Variants in PLEKHG3 observed in about 807,000 individuals in gnomAD.
The protein encoded by PLEKHG3 is pleckstrin homology and RhoGEF domain containing G3, also known as pleckstrin homology domain-containing family G member 3.
In PLEKHG3, 62 loss-of-function variants were observed where a neutral mutation model predicts 94.9. That is an observed-to-expected ratio of 0.65 (90% CI 0.53 to 0.81). The LOEUF (loss-of-function observed/expected upper bound fraction) is 0.81. Ranked by LOEUF, PLEKHG3 falls within the 30% of genes least tolerant of loss-of-function variation. The pLI, the probability that PLEKHG3 is intolerant of heterozygous loss-of-function variation, is 0.00. For missense variants in PLEKHG3, 1,461 were observed against 1,619.3 expected, an observed-to-expected ratio of 0.90 and a Z score of 1.68; for synonymous variants, 614 against 654.0, an observed-to-expected ratio of 0.94 and a Z score of 0.93.
chr14:64,741,266 G>A lies in PLEKHG3; in HGVS notation c.1749G>A (p.Met583Ile). The change falls in exon 16 of 17, where the codon ATG (methionine) becomes ATA (isoleucine). Residue 583 changes from methionine (M) to isoleucine (I), a missense_variant. By Grantham distance (10) the Met-to-Ile change is conservative. Transcript: ENST00000247226. ...KALSSEEEEE[M>I]GGAAQEPESL... ...TGAGCAGCGAGGAGGAAGAAGAAATGGGAGGTGCCGCCCAGGAGCCTGAGA... is the reference window on the plus strand; with the variant it reads ...TGAGCAGCGAGGAGGAAGAAGAAATAGGAGGTGCCGCCCAGGAGCCTGAGA... The A allele has an allele frequency of 1.9e-6, 3 of 1,613,922 alleles. No homozygotes were observed. The highest frequency in any genetic ancestry group is 2.5e-6 in the Non-Finnish European group (3 of 1,180,026).
At chr14:64,710,406 A>G (rs971230948) in intron 1 of PLEKHG3, among the ~76,000 whole-genome samples, 1 of 152,240 alleles carries the variant, frequency 6.6e-6, no homozygotes, top group Non-Finnish European at 1.5e-5. Flanking sequence ...GCAGTGGCTC[A>G]TGCCTGTAAT....
chr14:64,717,450 G>A lies in PLEKHG3; in HGVS notation c.-39-10143G>A, dbSNP rs1454130508. On this transcript the variant is annotated intron_variant, in intron 1 of 16. Transcript: ENST00000247226. The surrounding 1 kb of genome is among the most constrained non-coding windows in gnomAD (Gnocchi z 4.7). ...GCTTGGGAAGGGAAAGTGAGAACTG[G>A]GGGAAGGAAAAAACCCTTGGGTAGT... 6.6e-6 allele frequency among the ~76,000 whole-genome samples: 1 copy of A among 152,052 alleles called. No homozygotes were observed. Among genetic ancestry groups the A allele is most frequent in the Non-Finnish European group, 1.5e-5 (1 of 68,004 alleles).
At chr14:64,736,493 GGA>G (rs1227263644) in intron 12 of PLEKHG3, among the ~76,000 whole-genome samples, 1 of 152,188 alleles carries the variant, frequency 6.6e-6, no homozygotes, top group Admixed American at 6.5e-5. Flanking sequence ...AGGGACCTCC[GGA>G]GATGTTGCTA....
In PLEKHG3 at chr14:64,745,753, G is replaced by T. The variant is rs1291711384; in HGVS notation, c.*2050G>T. On this transcript the variant is annotated 3_prime_UTR_variant, in exon 17 of 17. Coordinates refer to ENST00000247226, the MANE Select transcript of PLEKHG3 (RefSeq NM_001308147.2). The surrounding 1 kb of genome is among the most constrained non-coding windows in gnomAD (Gnocchi z 5.0). ...TCTTCCCTTGAAGAACCCGACTGGG[G>T]CTCTTCAGAGGGTGGGGCCCAGGAA... 1 of 152,258 alleles carries T rather than the reference G, an allele frequency of 6.6e-6. No homozygotes were observed. Among genetic ancestry groups the T allele is most frequent in the Non-Finnish European group, 1.5e-5 (1 of 68,066 alleles). The allele number at this position is 152,258 out of a possible 1,614,324, so 9.4% of individuals were successfully genotyped here.
intron 16 of PLEKHG3, among the ~76,000 whole-genome samples, chr14:64,742,681 C>G (rs1488680606): frequency 1.3e-5 from 2 of 152,200 alleles, no homozygotes; most frequent in Non-Finnish European, 2.9e-5. Flanking sequence ...CTGCTCTGGC[C>G]CTTCCCATCC....
chr14:64,743,499 TCCCAG>T lies in PLEKHG3; in HGVS notation c.3460_3464del (p.Ser1154HisfsTer54). On this transcript the variant is annotated frameshift_variant, in exon 17 of 17. Coordinates refer to ENST00000247226, the MANE Select transcript of PLEKHG3 (RefSeq NM_001308147.2). LOFTEE classifies it low-confidence loss of function (END_TRUNC). The surrounding 1 kb of genome is among the most constrained non-coding windows in gnomAD (Gnocchi z 7.2). ...TGATTGTCATGGAGAAGGGACCCCTTCCCAGCCCCACTGCAGGGCTGGAGGAGAGC... is the reference window on the plus strand; with the variant it reads ...TGATTGTCATGGAGAAGGGACCCCTTCCCCACTGCAGGGCTGGAGGAGAGC... 6.2e-7 allele frequency: 1 copy of T among 1,613,040 alleles called. No homozygotes were observed. Among genetic ancestry groups the T allele is most frequent in the Non-Finnish European group, 8.5e-7 (1 of 1,179,942 alleles).
chr14:64,743,246 G>C lies in PLEKHG3; in HGVS notation c.3203G>C (p.Gly1068Ala), dbSNP rs1450812698. The C allele has an allele frequency of 1.9e-6, 3 of 1,607,046 alleles. No homozygotes were observed. Among genetic ancestry groups the C allele is most frequent in the Non-Finnish European group, 2.5e-6 (3 of 1,178,872 alleles). ...ASRDEARRAG[G>A]GRPRGPPVNR... is the part of the protein sequence containing the mutation. ...CGCGATGAGGCACGCCGAGCAGGGG[G>C]CGGCCGGCCCCGCGGCCCACCCGTC... The change falls in exon 17 of 17, where the codon GGC (glycine) becomes GCC (alanine). Residue 1068 changes from glycine (G) to alanine (A), a missense_variant. Coordinates refer to ENST00000247226, the MANE Select transcript of PLEKHG3 (RefSeq NM_001308147.2). This position sits in a 1 kb window ranked among gnomAD's most constrained non-coding sequence, Gnocchi z 7.2.
rs1332158328 is a variant in PLEKHG3 at position 64,747,506 on chromosome 14, G to A, written c.*3803G>A. Reference sequence around the variant, plus strand: ...CCAGGGCGGGAACCTGGGGATGTCAGGCTCCATCGGATGACGTCTTCCTTC... The same window carrying A: ...CCAGGGCGGGAACCTGGGGATGTCAAGCTCCATCGGATGACGTCTTCCTTC... On this transcript the variant is annotated 3_prime_UTR_variant, in exon 17 of 17. Coordinates refer to ENST00000247226, the MANE Select transcript of PLEKHG3 (RefSeq NM_001308147.2). 2 of 152,718 alleles carry A rather than the reference G, an allele frequency of 1.3e-5. No individual in the cohort carries two copies. Among genetic ancestry groups the A allele is most frequent in the Non-Finnish European group, 2.9e-5 (2 of 68,118 alleles). The allele number at this position is 152,718 out of a possible 1,614,324, so 9.5% of individuals were successfully genotyped here. A position where few individuals can be genotyped will look rare whatever the true frequency, so the allele number is the denominator to read the frequency against.
In PLEKHG3 at chr14:64,721,299, G is replaced by T. The variant is rs1387651345; in HGVS notation, c.-39-6294G>T. On this transcript the variant is annotated intron_variant, in intron 1 of 16. Transcript: ENST00000247226. The surrounding 1 kb of genome is among the most constrained non-coding windows in gnomAD (Gnocchi z 4.3). ...ATGTTGGGTAGGTGGGGACAGGGGG[G>T]TGTAGATGAACAGCCCTCCCTCTGA... Among the ~76,000 whole-genome samples the T allele has an allele frequency of 6.6e-6, 1 of 152,156 alleles. No homozygotes were observed. Among genetic ancestry groups the T allele is most frequent in the African/African-American group, 2.4e-5 (1 of 41,432 alleles).
chr14:64,749,478 G>T lies in PLEKHG3; in HGVS notation c.*5775G>T. 1 of 1,599,302 alleles carries T rather than the reference G, an allele frequency of 6.3e-7. No individual in the cohort carries two copies. ...CAGCCAGGACAGCATCTCCTCCTGCGGGGCGGAGGGTCACGGTGGAGTCTG... is the reference window on the plus strand; with the variant it reads ...CAGCCAGGACAGCATCTCCTCCTGCTGGGCGGAGGGTCACGGTGGAGTCTG... On this transcript the variant is annotated 3_prime_UTR_variant, in exon 17 of 17. Coordinates refer to ENST00000247226, the MANE Select transcript of PLEKHG3 (RefSeq NM_001308147.2). This position sits in a 1 kb window ranked among gnomAD's most constrained non-coding sequence, Gnocchi z 4.7.
At position 64,739,848 on chromosome 14, in the gene PLEKHG3, C is replaced by A. The variant is rs187167360; in HGVS notation, c.1518+993C>A. The stretch of plus-strand genomic sequence containing the variant: ...TGACCTAATTTCCCAAAGGCCCCCC[C>A]TCTCATTCCCATCACACTGGGTGTT... On this transcript the variant is annotated intron_variant, in intron 15 of 16. Coordinates refer to ENST00000247226, the MANE Select transcript of PLEKHG3 (RefSeq NM_001308147.2). The surrounding 1 kb of genome is among the most constrained non-coding windows in gnomAD (Gnocchi z 4.1). Among the ~76,000 whole-genome samples the A allele has an allele frequency of 2.6e-5, 4 of 152,316 alleles. No individual in the cohort carries two copies. Among genetic ancestry groups the A allele is most frequent in the East Asian group, 1.9e-4 (1 of 5,186 alleles).
rs552187034 is a variant in PLEKHG3, at chr14:64,728,923, C to T, written c.352-73C>T. On this transcript the variant is annotated intron_variant, in intron 2 of 16. Coordinates refer to ENST00000247226, the MANE Select transcript of PLEKHG3 (RefSeq NM_001308147.2). This position sits in a 1 kb window ranked among gnomAD's most constrained non-coding sequence, Gnocchi z 5.9. The stretch of plus-strand genomic sequence containing the variant: ...AAGTGGTGTTACAGCAGGGCCGAAA[C>T]GAGGTGTGGCTAGGGAAGGTAGTGG... 31 of 607,718 alleles carry T rather than the reference C, an allele frequency of 5.1e-5. No homozygotes were observed. Among genetic ancestry groups the T allele is most frequent in the African/African-American group, 1.3e-4 (7 of 54,056 alleles). 37.6% of individuals were successfully genotyped at this position (607,718 alleles called of 1,614,324 possible). A position where few individuals can be genotyped will look rare whatever the true frequency, so the allele number is the denominator to read the frequency against.
rs1361936192 is a variant in PLEKHG3 at position 64,720,137 on chromosome 14, C to G, written c.-39-7456C>G. Among the ~76,000 whole-genome samples, 1 of 152,250 alleles carries G rather than the reference C, an allele frequency of 6.6e-6. No homozygotes were observed. The highest frequency in any genetic ancestry group is 2.4e-5 in the African/African-American group (1 of 41,476). ...TTACATGAAACTTCCTGGCAGATTG[C>G]TTTTCCTGGGACATTTGCAGGGAGA... On this transcript the variant is annotated intron_variant, in intron 1 of 16. Coordinates refer to ENST00000247226, the MANE Select transcript of PLEKHG3 (RefSeq NM_001308147.2). The surrounding 1 kb of genome is among the most constrained non-coding windows in gnomAD (Gnocchi z 4.1).
chr14:64,740,527 TG>T (rs2081665145), intron 15 of PLEKHG3, among the ~76,000 whole-genome samples: 1 of 152,242 alleles, frequency 6.6e-6, no homozygotes, highest in Non-Finnish European at 1.5e-5. Context: ...CTAATCCACA[TG>T]GGAGGCCCTG....
chr14:64,738,073 C>A lies in PLEKHG3; in HGVS notation c.1405-669C>A. ...GAAGGCAACGAGAAGGGGGCTGGGC[C>A]GGAGCCCCCAGGCTCAGAGGAGGAG... On this transcript the variant is annotated intron_variant, in intron 14 of 16. Coordinates refer to ENST00000247226, the MANE Select transcript of PLEKHG3 (RefSeq NM_001308147.2). This position sits in a 1 kb window ranked among gnomAD's most constrained non-coding sequence, Gnocchi z 4.8. The A allele has an allele frequency of 7.7e-7, 1 of 1,299,476 alleles. No individual in the cohort carries two copies. Among genetic ancestry groups the A allele is most frequent in the Non-Finnish European group, 1.0e-6 (1 of 994,946 alleles). The allele number at this position is 1,299,476 out of a possible 1,614,324, so 80.5% of individuals were successfully genotyped here.
chr14:64,741,097 G>T lies in PLEKHG3; in HGVS notation c.1580G>T (p.Ser527Ile), dbSNP rs767961382. ...QEVFSAVEGPSAEETPSDTES... is the reference protein window; with the variant it reads ...QEVFSAVEGPIAEETPSDTES... ...GTATTTTCTGCTGTGGAAGGGCCCA[G>T]TGCCGAGGAGACGCCTTCAGACACA... Residue 527 changes from serine (S) to isoleucine (I), a missense_variant, in exon 16 of 17, where the codon AGT becomes ATT. Physicochemically the swap from Ser to Ile is moderately radical, Grantham distance 142. This residue lies in a region of PLEKHG3 where 1,201 missense variants were observed against 1,295.5 expected (regional missense o/e 0.93). Transcript: ENST00000247226. 7 of 1,613,610 alleles carry T rather than the reference G, an allele frequency of 4.3e-6. No homozygotes were observed. The highest frequency in any genetic ancestry group is 1.7e-4 in the Middle Eastern group (1 of 6,060).
In PLEKHG3 at chr14:64,722,248, C is replaced by G. The variant is rs921781150; in HGVS notation, c.-39-5345C>G. On this transcript the variant is annotated intron_variant, in intron 1 of 16. Coordinates refer to ENST00000247226, the MANE Select transcript of PLEKHG3 (RefSeq NM_001308147.2). The surrounding 1 kb of genome is among the most constrained non-coding windows in gnomAD (Gnocchi z 4.3). Reference sequence around the variant, plus strand: ...TTTGTTTTTGAGATGGAGTTTCGCTCTCATTGCCTAGGCTGGAGTGCAGTG... The same window carrying G: ...TTTGTTTTTGAGATGGAGTTTCGCTGTCATTGCCTAGGCTGGAGTGCAGTG... Among the ~76,000 whole-genome samples the G allele has an allele frequency of 1.3e-5, 2 of 152,102 alleles. No homozygotes were observed. Among genetic ancestry groups the G allele is most frequent in the African/African-American group, 2.4e-5 (1 of 41,412 alleles).
rs1248528366 is a variant in PLEKHG3 at position 64,737,353 on chromosome 14, C to T, written c.1385-3C>T. On this transcript the variant is annotated splice_polypyrimidine_tract_variant and splice_region_variant and intron_variant, in intron 13 of 16. Transcript: ENST00000247226. ...CTGGGGGACCCGGTGGTGATGTCTG[C>T]AGCCCGAGCAGCAGGAATGAAGGTA... is the stretch of plus-strand genomic sequence containing the variant. 3 of 1,601,112 alleles carry T rather than the reference C, an allele frequency of 1.9e-6. No individual in the cohort carries two copies. Among genetic ancestry groups the T allele is most frequent in the African/African-American group, 1.3e-5 (1 of 74,454 alleles).
intron 1 of PLEKHG3, among the ~76,000 whole-genome samples, chr14:64,712,531 A>G (rs79229799): frequency 0.044 from 6,660 of 152,198 alleles, 225 homozygotes; most frequent in Non-Finnish European, 0.062. Flanking sequence ...CAAGTCTTAC[A>G]CTTCTTTCGT....
Sources: gnomAD v4.1 joint callset for allele counts (sites outside exome capture counted in the v4.1 genomes callset) on GRCh38, gnomAD v4.1.1 for gene constraint, gnomAD v4.1.1 regional missense constraint, Gnocchi (gnomAD v3.1) non-coding constraint, MANE v1.5 for transcripts, NCBI Gene and HGNC (gene_info 2026-07-23, HGNC 2026-07-21) for gene names.